Variants in TP53BP1 observed in about 807,000 individuals in gnomAD.
The protein encoded by TP53BP1 is TP53-binding protein 1.
TP53BP1 carries 61 observed loss-of-function variants against 200.8 expected under a neutral mutation model. That is an observed-to-expected ratio of 0.30 (90% CI 0.25 to 0.38). The LOEUF is 0.38. Among genes scored for constraint, TP53BP1 ranks in the 10% least tolerant of loss-of-function variants. The pLI is 1.00. For missense variants in TP53BP1, 2,144 were observed against 2,371.9 expected (o/e 0.90, Z 2.00); for synonymous variants, 822 against 844.3 (o/e 0.97, Z 0.46).
upstream of TP53BP1, chr15:43,493,164 C>G: frequency 6.5e-7 from 1 of 1,542,032 alleles, no homozygotes; most frequent in South Asian, 1.2e-5. Context: ...CTCCCCCTTT[C>G]CCGTCACGTC....
chr15:43,489,981 C>A (rs1385910811), intron 4 of TP53BP1, among the ~76,000 whole-genome samples: 1 of 152,112 alleles, frequency 6.6e-6, no homozygotes, highest in Non-Finnish European at 1.5e-5. Context: ...GGCACAATCA[C>A]GGCTGACTGC....
In TP53BP1 at chr15:43,406,066, GTAT is replaced by G. The variant is rs1321308892; in HGVS notation, c.*1314_*1316del. 2 of 118,046 alleles carry G rather than the reference GTAT, an allele frequency of 1.7e-5. No individual in the cohort carries two copies. Among genetic ancestry groups the G allele is most frequent in the Non-Finnish European group, 3.6e-5 (2 of 56,280 alleles). 7.3% of individuals were successfully genotyped at this position (118,046 alleles called of 1,614,324 possible). On this transcript the variant is annotated 3_prime_UTR_variant, in exon 28 of 28. Coordinates refer to ENST00000382044, the MANE Select transcript of TP53BP1 (RefSeq NM_001141980.3). The stretch of plus-strand genomic sequence containing the variant: ...AAAAAAAAAAAAAAAAAAAAAAAAA[GTAT>G]TATTCTCCAAGAAAAAGGTCCTTAA...
At chr15:43,491,958 C>T in intron 3 of TP53BP1, 44 bp downstream of exon 3, 1 of 1,451,598 alleles carries the variant, frequency 6.9e-7, no homozygotes, top group Non-Finnish European at 9.7e-7. Context: ...CCAACAAGAG[C>T]ACCCAAAAAA....
At chr15:43,461,177 T>C (rs557851558) in intron 11 of TP53BP1, among the ~76,000 whole-genome samples, 1 of 152,218 alleles carries the variant, frequency 6.6e-6, no homozygotes, top group South Asian at 2.1e-4. Context: ...TTATTTAGAA[T>C]AGGAAACAAT....
intron 7 of TP53BP1, among the ~76,000 whole-genome samples, chr15:43,479,030 G>C (rs1224245363): frequency 6.6e-6 from 1 of 152,172 alleles, no homozygotes; most frequent in African/African-American, 2.4e-5. Context: ...GAGCAACATA[G>C]CGAGACTCCA....
At chr15:43,482,576 G>A (rs955092722) in intron 4 of TP53BP1, among the ~76,000 whole-genome samples, 7 of 152,152 alleles carry the variant, frequency 4.6e-5, no homozygotes, top group African/African-American at 7.2e-5. Flanking sequence ...AGACCATCCC[G>A]GCGAACAAGG....
chr15:43,421,589 A>C (rs1250495961), intron 19 of TP53BP1: 4 of 561,138 alleles, frequency 7.1e-6, no homozygotes, highest in Non-Finnish European at 1.3e-5. Flanking sequence ...AGTGCCCACC[A>C]GATGATAAAT....
intron 14 of TP53BP1, among the ~76,000 whole-genome samples, chr15:43,445,274 A>G (rs2046015386): frequency 6.6e-6 from 1 of 152,076 alleles, no homozygotes; most frequent in African/African-American, 2.4e-5. Context: ...AATGGATCCT[A>G]ATTGCCTCGC....
In TP53BP1 at chr15:43,449,307, G is replaced by C. The variant is rs575734502; in HGVS notation, c.2717-1822C>G. Among the ~76,000 whole-genome samples the C allele has an allele frequency of 7.2e-5, 11 of 152,272 alleles. No individual in the cohort carries two copies. The East Asian group carries it at 2.1e-3, about 29-fold the overall frequency. On this transcript the variant is annotated intron_variant, in intron 12 of 27. Coordinates refer to ENST00000382044, the MANE Select transcript of TP53BP1 (RefSeq NM_001141980.3). ...GCAAGTTGTTCTAATAAAGAACTTA[G>C]AAGAGATACAGAAACTTAAAAAACA...
At chr15:43,431,023 G>A (rs1281209078) in intron 17 of TP53BP1, among the ~76,000 whole-genome samples, 1 of 152,102 alleles carries the variant, frequency 6.6e-6, no homozygotes, top group African/African-American at 2.4e-5. Flanking sequence ...TGCAAGCAAT[G>A]CAATACCATG....
chr15:43,433,427 C>T (rs1303838144), intron 16 of TP53BP1, among the ~76,000 whole-genome samples: 1 of 152,108 alleles, frequency 6.6e-6, no homozygotes, highest in Non-Finnish European at 1.5e-5. Flanking sequence ...TTAAATATCC[C>T]TAACAATTCT....
At chr15:43,442,168 C>T (rs1479241914) in intron 14 of TP53BP1, among the ~76,000 whole-genome samples, 1 of 149,898 alleles carries the variant, frequency 6.7e-6, no homozygotes. Context: ...TCACTGCAAG[C>T]TCTGCCTCCC....
At position 43,456,037 on chromosome 15, in the gene TP53BP1, C is replaced by A. The variant is rs1271724648; in HGVS notation, c.2571G>T (p.Gln857His). 1.9e-6 allele frequency: 3 copies of A among 1,614,164 alleles called. 1 individual carries two copies. In the South Asian group the frequency reaches 3.3e-5, roughly 18 times the overall value. Residue 857 changes from glutamine to histidine, a missense_variant, in exon 12 of 28, where the codon CAG becomes CAT. Around this residue, in one of 4 missense-constraint regions of TP53BP1, gnomAD observed 1,700 missense variants for 1,710.3 expected, o/e 0.99. Transcript: ENST00000382044. ...DPLRLDQELQ[Q>H]PQTQEKTSNS... is the part of the protein sequence containing the mutation. The stretch of plus-strand genomic sequence containing the variant: ...TACTTGTTTTCTCCTGAGTTTGGGG[C>A]TGCTGCAACTCCTGGTCAAGTCTTA...
At chr15:43,451,404 T>A (rs1202297503) in intron 12 of TP53BP1, among the ~76,000 whole-genome samples, 8 of 151,860 alleles carry the variant, frequency 5.3e-5, no homozygotes, top group East Asian at 1.9e-4. Context: ...CTCATTGTTC[T>A]ATTCCCATCT....
intron 15 of TP53BP1, among the ~76,000 whole-genome samples, chr15:43,441,088 A>C (rs1393770237): frequency 6.6e-6 from 1 of 152,150 alleles, no homozygotes; most frequent in Non-Finnish European, 1.5e-5. Flanking sequence ...AGCAAAAATA[A>C]CAGCTCAACA....
rs34492765 is a variant in TP53BP1 at position 43,492,257 on chromosome 15, A to G, written c.192+27T>C. ...CGGTTTAAAAAAAAAAATCTGCTCA[A>G]TCTTCTTCAAACAAGGTATCACTCA... On this transcript the variant is annotated intron_variant, in intron 2 of 27. Coordinates refer to ENST00000382044, the MANE Select transcript of TP53BP1 (RefSeq NM_001141980.3). 93 of 1,594,960 alleles carry G rather than the reference A, an allele frequency of 5.8e-5. No individual in the cohort carries two copies. The African/African-American group carries it at 6.4e-4, about 11-fold the overall frequency.
Position 43,432,180 on chromosome 15 carries a change from G to T in TP53BP1, c.3675+14C>A, listed in dbSNP as rs561125462. The T allele has an allele frequency of 6.2e-7, 1 of 1,611,290 alleles. No homozygotes were observed. Among genetic ancestry groups the T allele is most frequent in the East Asian group, 2.2e-5 (1 of 44,832 alleles). On this transcript the variant is annotated intron_variant, in intron 17 of 27. Transcript: ENST00000382044. ...AAAACAAGGCCTCTGATGCACCCTA[G>T]TATGTTCTCTCACCTGGCTATGGAG...
At position 43,499,021 on chromosome 15, in the gene TP53BP1, A is replaced by AC. The variant is rs113706456; in HGVS notation, c.-8-6554_-8-6553insG. Among the ~76,000 whole-genome samples, 513 of 148,716 alleles carry AC rather than the reference A, an allele frequency of 3.4e-3. 4 individuals are homozygous for AC. Among genetic ancestry groups the AC allele is most frequent in the African/African-American group, 0.01 (410 of 40,524 alleles). ...TTGCAAATTAAAAACAACAACAACA[A>AC]AAAAAAAAAAACAAAACAAACCAGT... On this transcript the variant is annotated intron_variant, in intron 1 of 27. Transcript: ENST00000263801.
intron 12 of TP53BP1, among the ~76,000 whole-genome samples, chr15:43,451,467 G>C (rs1308629777): frequency 6.6e-6 from 1 of 152,060 alleles, no homozygotes; most frequent in Non-Finnish European, 1.5e-5. Flanking sequence ...AGTTTACTGA[G>C]AATGATGATT....
Sources: gnomAD v4.1 joint callset for allele counts (sites outside exome capture counted in the v4.1 genomes callset) on GRCh38, gnomAD v4.1.1 for gene constraint, gnomAD v4.1.1 regional missense constraint, MANE v1.5 for transcripts, NCBI Gene and HGNC (gene_info 2026-07-23, HGNC 2026-07-21) for gene names.